PITPNM3: variants seen among roughly 807,000 people sequenced by gnomAD.
PITPNM3 encodes PITPNM family member 3.
PITPNM3 carries 26 observed loss-of-function variants against 102.0 expected under a neutral mutation model. The observed-to-expected ratio is 0.25, with a 90% CI of 0.19 to 0.35. PITPNM3 has a LOEUF of 0.35. PITPNM3 is among the 10% of genes least tolerant of loss of function. PITPNM3 has a pLI of 1.00. For synonymous variants in PITPNM3, 578 were observed against 558.6 expected, an observed-to-expected ratio of 1.03 and a Z score of -0.49; for missense variants, 1,083 against 1,346.1, an observed-to-expected ratio of 0.80 and a Z score of 3.06.
Position 6,468,463 on chromosome 17 carries a change from C to T in PITPNM3, c.1774-122G>A. 1 of 955,682 alleles carries T rather than the reference C, an allele frequency of 1.0e-6. No individual in the cohort carries two copies. The highest frequency in any genetic ancestry group is 1.7e-6 in the Non-Finnish European group (1 of 593,152). 59.2% of individuals were successfully genotyped at this position (955,682 alleles called of 1,614,324 possible). A position where few individuals can be genotyped will look rare whatever the true frequency, so the allele number is the denominator to read the frequency against. ...CTGCCCCTGCAACCCCCCAACCTCACAGCCTGGAACCGTCAGGAGGCCGCA... is the reference window on the plus strand; with the variant it reads ...CTGCCCCTGCAACCCCCCAACCTCATAGCCTGGAACCGTCAGGAGGCCGCA... On this transcript the variant is annotated intron_variant, in intron 13 of 19. Coordinates refer to ENST00000262483, the MANE Select transcript of PITPNM3 (RefSeq NM_031220.4). This position sits in a 1 kb window ranked among gnomAD's most constrained non-coding sequence, Gnocchi z 5.2.
At chr17:6,473,166 T>A in intron 10 of PITPNM3, 2 of 375,342 alleles carry the variant, frequency 5.3e-6, no homozygotes, top group South Asian at 4.5e-5. Context: ...TTCTTCCAGT[T>A]TTCACTCAGT....
At position 6,472,687 on chromosome 17, in the gene PITPNM3, G is replaced by A; in HGVS notation, c.1399C>T (p.Pro467Ser). ...AGGAGGGACTGCCCATCGCCCAGTG[G>A]GAACCTCTGGTAGCGAGGCACGCTG... ...PVSVPRYQRF[P>S]LGDGQSLLLA... The change falls in exon 11 of 20, where the codon CCA becomes TCA. Residue 467 changes from proline to serine, a missense_variant. This residue lies in a region of PITPNM3 where 410 missense variants were observed against 638.4 expected (regional missense o/e 0.64). Transcript: ENST00000262483. This position sits in a 1 kb window ranked among gnomAD's most constrained non-coding sequence, Gnocchi z 4.1. The A allele has an allele frequency of 6.2e-7, 1 of 1,613,758 alleles. No homozygotes were observed. The highest frequency in any genetic ancestry group is 8.5e-7 in the Non-Finnish European group (1 of 1,179,936).
intron 9 of PITPNM3, 48 bp downstream of exon 9, chr17:6,476,981 G>C (rs758946898): frequency 1.2e-6 from 2 of 1,601,480 alleles, no homozygotes; most frequent in Non-Finnish European, 1.7e-6. Flanking sequence ...AGCCCTCCCA[G>C]TTGGCTCTGA....
At chr17:6,533,849 C>T (rs1407719325) in intron 2 of PITPNM3, among the ~76,000 whole-genome samples, 4 of 152,180 alleles carry the variant, frequency 2.6e-5, no homozygotes, top group Admixed American at 6.5e-5. Context: ...GGGCAGGACT[C>T]GCTTGCTCCT....
At chr17:6,544,383 C>T (rs1228362617) in intron 1 of PITPNM3, among the ~76,000 whole-genome samples, 1 of 152,032 alleles carries the variant, frequency 6.6e-6, no homozygotes, top group Non-Finnish European at 1.5e-5. Flanking sequence ...AGTAAAAAAA[C>T]AAGCCTGGCA....
In PITPNM3 at chr17:6,455,585, C is replaced by T. The variant is rs1238435519; in HGVS notation, c.2678G>A (p.Arg893His). The T allele has an allele frequency of 3.0e-5, 48 of 1,587,924 alleles. No homozygotes were observed. Among genetic ancestry groups the T allele is most frequent in the Non-Finnish European group, 3.9e-5 (46 of 1,173,650 alleles). ...LAALEASHRS[R>H]PKKNNSRMIL... Reference sequence around the variant, plus strand: ...CATGCGCGAGTTGTTCTTCTTTGGGCGTGAGCGGTGGCTGGCCTCCAGCGC... The same window carrying T: ...CATGCGCGAGTTGTTCTTCTTTGGGTGTGAGCGGTGGCTGGCCTCCAGCGC... The change falls in exon 20 of 20, where the codon CGC (arginine) becomes CAC (histidine). Residue 893 changes from arginine (R) to histidine (H), a missense_variant. By Grantham distance (29) the Arg-to-His change is conservative. Coordinates refer to ENST00000262483, the MANE Select transcript of PITPNM3 (RefSeq NM_031220.4).
intron 4 of PITPNM3, among the ~76,000 whole-genome samples, chr17:6,493,576 C>T (rs1464372950): frequency 1.3e-5 from 2 of 152,212 alleles, no homozygotes; most frequent in Non-Finnish European, 2.9e-5. Flanking sequence ...TAAGTGACCA[C>T]GTAGCAGGGT....
rs1910595725 is a variant in PITPNM3, at chr17:6,556,169, G to C, written c.22+216C>G. On this transcript the variant is annotated intron_variant, in intron 1 of 19. Transcript: ENST00000262483. The surrounding 1 kb of genome is among the most constrained non-coding windows in gnomAD (Gnocchi z 5.2). ...GGCGGGGCCGTGGAGAAGGGGACGCGGTGTCCCCCGAGGTGACCGGGGGCG... is the reference window on the plus strand; with the variant it reads ...GGCGGGGCCGTGGAGAAGGGGACGCCGTGTCCCCCGAGGTGACCGGGGGCG... Among the ~76,000 whole-genome samples, 1 of 151,902 alleles carries C rather than the reference G, an allele frequency of 6.6e-6. No individual in the cohort carries two copies. Among genetic ancestry groups the C allele is most frequent in the East Asian group, 2.0e-4 (1 of 5,124 alleles).
chr17:6,491,119 G>A (rs1476127377), intron 4 of PITPNM3, among the ~76,000 whole-genome samples: 1 of 135,650 alleles, frequency 7.4e-6, no homozygotes, highest in African/African-American at 2.8e-5. Flanking sequence ...GGGGAGGCGA[G>A]GGGAGGGGAG....
Position 6,503,535 on chromosome 17 carries a change from T to G in PITPNM3, c.266A>C (p.Glu89Ala). 1 of 1,612,806 alleles carries G rather than the reference T, an allele frequency of 6.2e-7. No individual in the cohort carries two copies. The highest frequency in any genetic ancestry group is 8.5e-7 in the Non-Finnish European group (1 of 1,180,012). ...TAPCTSSILQ[E>A]KQRELYRVSL... ...GGTCAGGCTTGACTCACGCTGCTTC[T>G]CCTGGAGGATGCTGGATGTGCACGG... The change falls in exon 4 of 20, where the codon GAG becomes GCG. Residue 89 changes from glutamate (E) to alanine (A), a missense_variant. By Grantham distance (107) the Glu-to-Ala change is moderately radical. This residue lies in a region of PITPNM3 where 290 missense variants were observed against 337.8 expected (regional missense o/e 0.86). Coordinates refer to ENST00000262483, the MANE Select transcript of PITPNM3 (RefSeq NM_031220.4).
rs143807935 is a variant in PITPNM3 at position 6,474,513 on chromosome 17, C to G, written c.1177G>C (p.Asp393His). Residue 393 changes from aspartate (D) to histidine (H), a missense_variant, in exon 10 of 20, where the codon GAT becomes CAT. By Grantham distance (81) the Asp-to-His change is moderately conservative. Coordinates refer to ENST00000262483, the MANE Select transcript of PITPNM3 (RefSeq NM_031220.4). ...CCGAAGAGGAAGAAGTCGGACACAT[C>G]GAAGTCAAAGCGGCCCAGGCTGACC... ...PEVSLGRFDF[D>H]VSDFFLFGSP... is the part of the protein sequence containing the mutation. 3 of 1,613,180 alleles carry G rather than the reference C, an allele frequency of 1.9e-6. No individual in the cohort carries two copies. Among genetic ancestry groups the G allele is most frequent in the Non-Finnish European group, 2.5e-6 (3 of 1,179,832 alleles).
chr17:6,544,362 A>C (rs1909894494), intron 1 of PITPNM3, among the ~76,000 whole-genome samples: 1 of 152,048 alleles, frequency 6.6e-6, no homozygotes, highest in African/African-American at 2.4e-5. Context: ...CCATCTGTAC[A>C]AAAAAGTCAA....
At chr17:6,482,898 A>G (rs984270699) in intron 6 of PITPNM3, among the ~76,000 whole-genome samples, 3 of 151,406 alleles carry the variant, frequency 2.0e-5, no homozygotes, top group African/African-American at 7.3e-5. Flanking sequence ...TCCTGTCTCC[A>G]TGGGCTGGGC....
intron 11 of PITPNM3, 68 bp from the exon 12 acceptor site, chr17:6,471,423 C>A (rs1293224133): frequency 2.9e-6 from 4 of 1,391,550 alleles, no homozygotes; most frequent in Non-Finnish European, 3.8e-6. Context: ...TCAGTGCCAG[C>A]CCCATGCTGG....
chr17:6,556,453 T>TCCCGGG lies in PITPNM3; in HGVS notation c.-53_-48dup. The TCCCGGG allele has an allele frequency of 1.7e-6, 2 of 1,188,656 alleles. No homozygotes were observed. Among genetic ancestry groups the TCCCGGG allele is most frequent in the African/African-American group, 1.6e-5 (1 of 61,368 alleles). The allele number at this position is 1,188,656 out of a possible 1,614,324, so 73.6% of individuals were successfully genotyped here. A position where few individuals can be genotyped will look rare whatever the true frequency, so the allele number is the denominator to read the frequency against. On this transcript the variant is annotated 5_prime_UTR_variant, in exon 1 of 20. Transcript: ENST00000262483. The surrounding 1 kb of genome is among the most constrained non-coding windows in gnomAD (Gnocchi z 5.2). Reference sequence around the variant, plus strand: ...CGGCGCTACGCGCGCTCCTCGCGCTTCCCGGGCCCGGCCCCGACCGCCTCC... The same window carrying TCCCGGG: ...CGGCGCTACGCGCGCTCCTCGCGCTTCCCGGGCCCGGGCCCGGCCCCGACCGCCTCC...
intron 4 of PITPNM3, among the ~76,000 whole-genome samples, chr17:6,495,641 G>A (rs893415705): frequency 2.6e-5 from 4 of 152,116 alleles, no homozygotes; most frequent in Non-Finnish European, 5.9e-5. Context: ...CGCTGTGGAC[G>A]AAGGACCCCT....
At chr17:6,493,141 T>C (rs1473369083) in intron 4 of PITPNM3, among the ~76,000 whole-genome samples, 1 of 152,174 alleles carries the variant, frequency 6.6e-6, no homozygotes, top group Non-Finnish European at 1.5e-5. Flanking sequence ...GACCAAAGGC[T>C]ACAAACAGCT....
chr17:6,497,538 T>C (rs988279682), intron 4 of PITPNM3, among the ~76,000 whole-genome samples: 1 of 151,972 alleles, frequency 6.6e-6, no homozygotes, highest in African/African-American at 2.4e-5. Context: ...GGGACTAGGG[T>C]TGGGACTCTG....
Position 6,461,487 on chromosome 17 carries a change from C to G in PITPNM3, c.2376G>C (p.Val792=). The change falls in exon 18 of 20, where the codon GTG becomes GTC. Residue 792 remains valine (V), a synonymous_variant. Coordinates refer to ENST00000262483, the MANE Select transcript of PITPNM3 (RefSeq NM_031220.4). ...TGRPDMQKQR[V]VSWLSQHNFP... ...AGTTGTGCTGGGACAGCCACGACAC[C>G]ACCCGCTGCTTCTGCATGTCCGGCC... 1 of 1,614,222 alleles carries G rather than the reference C, an allele frequency of 6.2e-7. No homozygotes were observed. Among genetic ancestry groups the G allele is most frequent in the Non-Finnish European group, 8.5e-7 (1 of 1,180,038 alleles).
Sources: allele counts gnomAD v4.1 joint callset (sites outside exome capture counted in the v4.1 genomes callset), GRCh38; gene constraint gnomAD v4.1.1; regional missense constraint gnomAD v4.1.1; non-coding constraint Gnocchi (gnomAD v3.1); transcripts MANE v1.5; gene names NCBI Gene and HGNC (gene_info 2026-07-23, HGNC 2026-07-21).